Variants in ASAP2 observed in about 807,000 individuals in gnomAD.
The protein encoded by ASAP2 is ArfGAP with SH3 domain, ankyrin repeat and PH domain 2, also known as arf-GAP with SH3 domain, ANK repeat and PH domain-containing protein 2.
In ASAP2, 45 loss-of-function variants were observed where a neutral mutation model predicts 131.4. The observed-to-expected ratio is 0.34, with a 90% CI of 0.27 to 0.44. The LOEUF (loss-of-function observed/expected upper bound fraction) is 0.44. Among genes scored for constraint, ASAP2 ranks in the 20% least tolerant of loss-of-function variants. The pLI is 1.00. For missense variants in ASAP2, 1,011 were observed against 1,297.0 expected (o/e 0.78, Z 3.39); for synonymous variants, 510 against 503.0 (o/e 1.01, Z -0.19).
rs576289040 is a variant in ASAP2 at position 9,282,038 on chromosome 2, T to A, written c.199+2649T>A. Among the ~76,000 whole-genome samples the A allele has an allele frequency of 7.2e-5, 11 of 152,300 alleles. No homozygotes were observed. The South Asian group carries it at 2.3e-3, about 32-fold the overall frequency. On this transcript the variant is annotated intron_variant, in intron 2 of 27. Coordinates refer to ENST00000281419, the MANE Select transcript of ASAP2 (RefSeq NM_003887.3). ...CTCTGCTGTTTGCTTAAAATAGCAT[T>A]TGCCACTTTATGAAAGAAAACTGAG...
chr2:9,346,636 C>T (rs770538933), intron 11 of ASAP2, among the ~76,000 whole-genome samples: 15 of 152,164 alleles, frequency 9.9e-5, no homozygotes, highest in African/African-American at 3.4e-4. Context: ...GGTGTCCACT[C>T]GCTGTTTGTT....
At chr2:9,378,187 C>A (rs1475643015) in intron 18 of ASAP2, among the ~76,000 whole-genome samples, 1 of 152,176 alleles carries the variant, frequency 6.6e-6, no homozygotes, top group East Asian at 1.9e-4. Context: ...GGTGCCACTT[C>A]CTGAGATCGC....
intron 12 of ASAP2, among the ~76,000 whole-genome samples, chr2:9,354,587 T>G (rs1376952534): frequency 6.7e-6 from 1 of 149,980 alleles, no homozygotes; most frequent in Non-Finnish European, 1.5e-5. Flanking sequence ...CAGCGAGCTG[T>G]GCACTGCACG....
chr2:9,254,363 T>A lies in ASAP2; in HGVS notation c.127-24954T>A, dbSNP rs1664984221. Among the ~76,000 whole-genome samples, 3 of 142,584 alleles carry A rather than the reference T, an allele frequency of 2.1e-5. No homozygotes were observed. The South Asian group carries it at 6.7e-4, about 32-fold the overall frequency. 93.5% of individuals were successfully genotyped at this position (142,584 alleles called of 152,430 possible). On this transcript the variant is annotated intron_variant, in intron 1 of 27. Transcript: ENST00000281419. ...AATTTATAAACTAAACTTTTTTTTT[T>A]TTTTTTGGAGGCAGAGTCTTACTCT...
At position 9,379,232 on chromosome 2, in the gene ASAP2, G is replaced by A. The variant is rs191637802; in HGVS notation, c.1948+173G>A. Among the ~76,000 whole-genome samples the A allele has an allele frequency of 2.4e-4, 36 of 152,326 alleles. 1 individual carries two copies. Among genetic ancestry groups the A allele is most frequent in the Admixed American group, 6.5e-4 (10 of 15,302 alleles). Reference sequence around the variant, plus strand: ...AAGAGCCTCTCCCTGCCTGTTCCACGAGGCCGCATTCACCATCTGTTACTT... The same window carrying A: ...AAGAGCCTCTCCCTGCCTGTTCCACAAGGCCGCATTCACCATCTGTTACTT... On this transcript the variant is annotated intron_variant, in intron 19 of 27. Coordinates refer to ENST00000281419, the MANE Select transcript of ASAP2 (RefSeq NM_003887.3).
chr2:9,334,698 T>G (rs1185831616), intron 7 of ASAP2, 40 bp from the exon 8 acceptor site: 1 of 1,574,152 alleles, frequency 6.4e-7, no homozygotes, highest in African/African-American at 1.4e-5. Flanking sequence ...TATTTTTTCC[T>G]TTGTGAAATG....
intron 3 of ASAP2, among the ~76,000 whole-genome samples, chr2:9,304,467 A>T (rs1329279047): frequency 8.9e-6 from 1 of 112,706 alleles, no homozygotes; most frequent in Non-Finnish European, 1.8e-5. Flanking sequence ...TAGGGGGTGT[A>T]GATATGCGGT....
chr2:9,358,719 TACTGGAAGC>T, intron 14 of ASAP2, 28 bp from the exon 15 acceptor site: 2 of 1,597,854 alleles, frequency 1.3e-6, no homozygotes, highest in Admixed American at 1.7e-5. Flanking sequence ...CCCTCTTTTT[TACTGGAAGC>T]TCAAATCTGC....
chr2:9,251,666 T>G (rs1472362476), intron 1 of ASAP2, among the ~76,000 whole-genome samples: 1 of 152,078 alleles, frequency 6.6e-6, no homozygotes, highest in Non-Finnish European at 1.5e-5. Flanking sequence ...GCGCACCTTG[T>G]TGAATTCATG....
chr2:9,239,938 C>G (rs1663830263), intron 1 of ASAP2, among the ~76,000 whole-genome samples: 1 of 152,068 alleles, frequency 6.6e-6, no homozygotes, highest in African/African-American at 2.4e-5. Flanking sequence ...GTGACTTTCC[C>G]AAGGCCTTGT....
At chr2:9,332,668 C>T (rs1482605381) in intron 7 of ASAP2, among the ~76,000 whole-genome samples, 2 of 152,194 alleles carry the variant, frequency 1.3e-5, no homozygotes, top group Non-Finnish European at 2.9e-5. Flanking sequence ...TGGAGCTGTA[C>T]ACCTGCTCCC....
At position 9,371,105 on chromosome 2, in the gene ASAP2, A is replaced by G. The variant is rs73150907; in HGVS notation, c.1556+2586A>G. Among the ~76,000 whole-genome samples, 1,190 of 152,324 alleles carry G rather than the reference A, an allele frequency of 7.8e-3. 15 individuals carry two copies. Among genetic ancestry groups the G allele is most frequent in the Middle Eastern group, 0.024 (7 of 294 alleles). Reference sequence around the variant, plus strand: ...GAACACTGTCAATGTGGAACCCTTCAGTATGAACGTTCTGTCTGCACTGTA... The same window carrying G: ...GAACACTGTCAATGTGGAACCCTTCGGTATGAACGTTCTGTCTGCACTGTA... On this transcript the variant is annotated intron_variant, in intron 16 of 27. Transcript: ENST00000281419.
chr2:9,280,419 C>T (rs1462249626), intron 2 of ASAP2, among the ~76,000 whole-genome samples: 1 of 152,076 alleles, frequency 6.6e-6, no homozygotes, highest in Non-Finnish European at 1.5e-5. Context: ...TGATTCTCCC[C>T]CCATGAGAGC....
chr2:9,251,581 C>A (rs1192399872), intron 1 of ASAP2, among the ~76,000 whole-genome samples: 2 of 152,190 alleles, frequency 1.3e-5, no homozygotes, highest in Non-Finnish European at 2.9e-5. Flanking sequence ...ATCTGACTTT[C>A]CTTTTCCCTC....
intron 9 of ASAP2, among the ~76,000 whole-genome samples, chr2:9,340,812 G>C (rs902477678): frequency 1.3e-5 from 2 of 152,194 alleles, no homozygotes; most frequent in Admixed American, 1.3e-4. Flanking sequence ...GTGTTGGCCA[G>C]ACCCAATGGC....
chr2:9,212,852 A>T (rs1420127088), intron 1 of ASAP2, among the ~76,000 whole-genome samples: 3 of 152,160 alleles, frequency 2.0e-5, no homozygotes, highest in Non-Finnish European at 1.5e-5. Context: ...TTTTTACAGC[A>T]TCTCCACGTA....
chr2:9,253,266 C>T (rs776559927), intron 1 of ASAP2, among the ~76,000 whole-genome samples: 8 of 152,110 alleles, frequency 5.3e-5, no homozygotes, highest in Non-Finnish European at 1.2e-4. Flanking sequence ...TGGGTTCAAG[C>T]GATTCTCGTG....
intron 6 of ASAP2, among the ~76,000 whole-genome samples, chr2:9,326,168 C>T (rs1166692109): frequency 6.6e-6 from 1 of 152,118 alleles, no homozygotes; most frequent in Non-Finnish European, 1.5e-5. Flanking sequence ...ATTCCTTGAG[C>T]CCAGGAGTTC....
Position 9,311,187 on chromosome 2 carries a change from T to G in ASAP2, c.346-7337T>G, listed in dbSNP as rs1401863550. On this transcript the variant is annotated intron_variant, in intron 3 of 27. Transcript: ENST00000281419. The surrounding 1 kb of genome is among the most constrained non-coding windows in gnomAD (Gnocchi z 5.2). ...TGGGTAGGTTGCTTGAGCCCAGAAG[T>G]TTGAGACCAGCGTTGGCAACATGGG... Among the ~76,000 whole-genome samples the G allele has an allele frequency of 6.6e-6, 1 of 151,906 alleles. No homozygotes were observed. The highest frequency in any genetic ancestry group is 2.4e-5 in the African/African-American group (1 of 41,344).
Sources: allele counts gnomAD v4.1 joint callset (sites outside exome capture counted in the v4.1 genomes callset), GRCh38; gene constraint gnomAD v4.1.1; non-coding constraint Gnocchi (gnomAD v3.1); transcripts MANE v1.5; gene names NCBI Gene and HGNC (gene_info 2026-07-23, HGNC 2026-07-21).